ZFAT: variants seen among roughly 807,000 people sequenced by gnomAD.
The protein encoded by ZFAT is zinc finger and AT-hook domain containing, also known as zinc finger protein ZFAT.
ZFAT carries 64 observed loss-of-function variants against 117.7 expected under a neutral mutation model. The ratio of observed to expected loss-of-function variants is 0.54; its 90% CI spans 0.44 to 0.67. The LOEUF (loss-of-function observed/expected upper bound fraction) is 0.67. Among genes scored for constraint, ZFAT ranks in the 30% least tolerant of loss-of-function variants. The pLI is 0.00. For missense variants in ZFAT, 1,433 were observed against 1,584.5 expected, an observed-to-expected ratio of 0.90 and a Z score of 1.62; for synonymous variants, 679 against 615.0, an observed-to-expected ratio of 1.10 and a Z score of -1.54.
chr8:134,639,124 C>A (rs1830438685), intron 2 of ZFAT, among the ~76,000 whole-genome samples: 1 of 152,212 alleles, frequency 6.6e-6, no homozygotes, highest in Non-Finnish European at 1.5e-5. Context: ...CTTGTGCTCA[C>A]AAATCAGAGA....
At chr8:134,511,642 G>C (rs1424440047) in intron 14 of ZFAT, among the ~76,000 whole-genome samples, 1 of 152,184 alleles carries the variant, frequency 6.6e-6, no homozygotes, top group East Asian at 1.9e-4. Context: ...AACCCAACCT[G>C]CTTGACCTCT....
chr8:134,688,000 A>G (rs753977434), intron 1 of ZFAT, among the ~76,000 whole-genome samples: 13 of 152,190 alleles, frequency 8.5e-5, no homozygotes, highest in Non-Finnish European at 1.3e-4. Flanking sequence ...CAGCCACTTC[A>G]GTGTGACTGG....
the ZFAT span, among the ~76,000 whole-genome samples, chr8:134,754,397 A>G: frequency 6.6e-6 from 1 of 152,222 alleles, no homozygotes; most frequent in Non-Finnish European, 1.5e-5. Flanking sequence ...TCAGAGCTGG[A>G]TAAGGGGACC....
At chr8:134,827,852 T>C in the ZFAT span, among the ~76,000 whole-genome samples, 1 of 152,134 alleles carries the variant, frequency 6.6e-6, no homozygotes, top group African/African-American at 2.4e-5. Flanking sequence ...CTGCATTTTA[T>C]TGAAAAGAAC....
At chr8:134,553,011 C>T (rs1360263495) in intron 11 of ZFAT, among the ~76,000 whole-genome samples, 2 of 152,010 alleles carry the variant, frequency 1.3e-5, no homozygotes, top group Admixed American at 6.6e-5. Flanking sequence ...ATGTCCTGTG[C>T]GATGCAAAAA....
the ZFAT span, among the ~76,000 whole-genome samples, chr8:134,811,197 G>A: frequency 3.5e-3 from 539 of 152,300 alleles, 8 homozygotes; most frequent in African/African-American, 0.012. Context: ...GAAAGATGAT[G>A]TGACAAATAG....
chr8:134,601,508 C>A lies in ZFAT; in HGVS notation c.2211G>T (p.Lys737Asn). The A allele has an allele frequency of 6.2e-7, 1 of 1,613,736 alleles. No homozygotes were observed. Among genetic ancestry groups the A allele is most frequent in the Non-Finnish European group, 8.5e-7 (1 of 1,179,720 alleles). ...ATTCACACTCCAGGTCTCCATAAAC[C>A]TTCCGGATCCGCTCACACAAGCTGG... ...MNTSLCERIRKVYGDLECEYC... is the reference protein window; with the variant it reads ...MNTSLCERIRNVYGDLECEYC... Residue 737 changes from lysine (K) to asparagine (N), a missense_variant, in exon 6 of 16, where the codon AAG becomes AAT. Physicochemically the swap from Lys to Asn is moderately conservative, Grantham distance 94. Around this residue, in one of 5 missense-constraint regions of ZFAT, gnomAD observed 372 missense variants for 355.6 expected, o/e 1.05. Transcript: ENST00000377838.
intron 1 of ZFAT, among the ~76,000 whole-genome samples, chr8:134,667,912 T>C (rs1347352041): frequency 2.0e-5 from 3 of 152,142 alleles, no homozygotes; most frequent in Non-Finnish European, 4.4e-5. Flanking sequence ...CCCACCCTAA[T>C]ACTGCACTTT....
chr8:134,734,928 G>A, the ZFAT span, among the ~76,000 whole-genome samples: 2 of 152,116 alleles, frequency 1.3e-5, no homozygotes, highest in African/African-American at 2.4e-5. Flanking sequence ...CTCCACACTT[G>A]CTGCTCCGTT....
rs201541507 is a variant in ZFAT, at chr8:134,512,544, C to T, written c.3292G>A (p.Glu1098Lys). The T allele has an allele frequency of 6.7e-4, 1,080 of 1,613,854 alleles. 2 individuals carry two copies. The highest frequency in any genetic ancestry group is 8.8e-4 in the Non-Finnish European group (1,043 of 1,179,880). ...GCCTGTGTCCCTTGAACGTCTTCTTCGGCCTCTGTGATGTGGAGATACTGG... is the reference window on the plus strand; with the variant it reads ...GCCTGTGTCCCTTGAACGTCTTCTTTGGCCTCTGTGATGTGGAGATACTGG... ...STQYLHITEAEEDVQGTQAAV... is the reference protein window; with the variant it reads ...STQYLHITEAKEDVQGTQAAV... Residue 1098 changes from glutamate to lysine, a missense_variant, in exon 14 of 16, where the codon GAA becomes AAA. Around this residue, in one of 5 missense-constraint regions of ZFAT, gnomAD observed 503 missense variants for 543.4 expected, o/e 0.93. Coordinates refer to ENST00000377838, the MANE Select transcript of ZFAT (RefSeq NM_020863.4).
At chr8:134,649,188 C>CACACACACACAG (rs1415061484) in intron 2 of ZFAT, among the ~76,000 whole-genome samples, 2 of 151,246 alleles carry the variant, frequency 1.3e-5, no homozygotes, top group African/African-American at 4.9e-5. Flanking sequence ...CACACACACA[C>CACACACACACAG]ACACACACAC....
At chr8:134,567,699 C>T (rs1043003811) in intron 10 of ZFAT, among the ~76,000 whole-genome samples, 20 of 151,874 alleles carry the variant, frequency 1.3e-4, no homozygotes, top group African/African-American at 4.8e-4. Flanking sequence ...CACCCCACCC[C>T]TCTCTCTGAC....
At chr8:134,629,217 G>C (rs1000202136) in intron 3 of ZFAT, among the ~76,000 whole-genome samples, 1 of 152,186 alleles carries the variant, frequency 6.6e-6, no homozygotes, top group Admixed American at 6.5e-5. Flanking sequence ...TCATCAGTTG[G>C]GAGCTGGATG....
At chr8:134,819,496 A>ACCCCCCCCCCCCC in the ZFAT span, among the ~76,000 whole-genome samples, 85 of 39,372 alleles carry the variant, frequency 2.2e-3, no homozygotes, top group Admixed American at 3.2e-3. Context: ...CGGATTTACC[A>ACCCCCCCCCCCCC]CCCCCCCCCC....
At chr8:134,606,773 C>T (rs374855666) in intron 5 of ZFAT, among the ~76,000 whole-genome samples, 1 of 147,644 alleles carries the variant, frequency 6.8e-6, no homozygotes, top group Non-Finnish European at 1.5e-5. Flanking sequence ...GATACAAAAT[C>T]GCTATAAAAT....
At chr8:134,760,289 C>CA in the ZFAT span, among the ~76,000 whole-genome samples, 1 of 116,650 alleles carries the variant, frequency 8.6e-6, no homozygotes, top group African/African-American at 2.9e-5. Flanking sequence ...AAAAAAAAAA[C>CA]AAACAAAAAA....
At chr8:134,485,995 T>C (rs1364373977) in intron 15 of ZFAT, among the ~76,000 whole-genome samples, 1 of 152,224 alleles carries the variant, frequency 6.6e-6, no homozygotes. Context: ...TGTTCAGTCC[T>C]GACAGGGGAT....
upstream of ZFAT, among the ~76,000 whole-genome samples, chr8:134,714,557 C>T (rs1427830689): frequency 6.6e-6 from 1 of 152,106 alleles, no homozygotes; most frequent in East Asian, 1.9e-4. Flanking sequence ...GCTCCTTAAC[C>T]CTGTTCTTGG....
In ZFAT at chr8:134,566,311, G is replaced by A. The variant is rs187381284; in HGVS notation, c.2888-890C>T. 8.9e-3 allele frequency among the ~76,000 whole-genome samples: 1,336 copies of A among 149,852 alleles called. 11 individuals are homozygous for A. The highest frequency in any genetic ancestry group is 0.011 in the Non-Finnish European group (749 of 67,586). On this transcript the variant is annotated intron_variant, in intron 10 of 15. Coordinates refer to ENST00000377838, the MANE Select transcript of ZFAT (RefSeq NM_020863.4). ...CGGGAGGCTGAGGCAGGAGAATGGCGTGAACCCGGGAGGTGGAGCTTGCAG... is the reference window on the plus strand; with the variant it reads ...CGGGAGGCTGAGGCAGGAGAATGGCATGAACCCGGGAGGTGGAGCTTGCAG...
Sources: gnomAD v4.1 joint callset for allele counts (sites outside exome capture counted in the v4.1 genomes callset) on GRCh38, gnomAD v4.1.1 for gene constraint, gnomAD v4.1.1 regional missense constraint, MANE v1.5 for transcripts, NCBI Gene and HGNC (gene_info 2026-07-23, HGNC 2026-07-21) for gene names.